The following NUGGC variants were observed in gnomAD, a reference collection of about 807,000 sequenced individuals.
NUGGC encodes the protein nuclear GTPase, germinal center associated.
NUGGC carries 58 observed loss-of-function variants against 92.6 expected under a neutral mutation model. The ratio of observed to expected loss-of-function variants is 0.63; its 90% CI spans 0.51 to 0.78. The LOEUF (loss-of-function observed/expected upper bound fraction) is 0.78. Among genes scored for constraint, NUGGC ranks in the 30% least tolerant of loss-of-function variants. The probability of loss-of-function intolerance (pLI) is 0.00; values close to 1 mark genes in which losing one functional copy is unlikely to be tolerated. For synonymous variants in NUGGC, 376 were observed against 366.4 expected (o/e 1.03, Z -0.30); for missense variants, 925 against 964.6 (o/e 0.96, Z 0.54).
chr8:28,076,552 CT>C (rs1263255186), intron 1 of NUGGC, among the ~76,000 whole-genome samples: 1 of 152,224 alleles, frequency 6.6e-6, no homozygotes, highest in African/African-American at 2.4e-5. Flanking sequence ...CCACTTCAGC[CT>C]CCCAAAGGGC....
rs563782714 is a variant in NUGGC at position 28,023,777 on chromosome 8, G to A, written c.2246-315C>T. 5.9e-5 allele frequency among the ~76,000 whole-genome samples: 9 copies of A among 152,168 alleles called. No individual in the cohort carries two copies. The East Asian group carries it at 9.6e-4, about 16-fold the overall frequency. ...CACCTCCTCTAATTCCTCTCCAGGC[G>A]GCTCCCCCTCTTCCCCCCACCCCAA... On this transcript the variant is annotated intron_variant, in intron 18 of 18. Transcript: ENST00000413272.
chr8:28,076,780 T>C (rs1402342531), intron 1 of NUGGC, among the ~76,000 whole-genome samples: 1 of 152,202 alleles, frequency 6.6e-6, no homozygotes, highest in Non-Finnish European at 1.5e-5. Context: ...GGGGCCTTCA[T>C]GGTGGTCTTC....
At position 28,064,740 on chromosome 8, in the gene NUGGC, G is replaced by A. The variant is rs761194207; in HGVS notation, c.712-9C>T. 28 of 1,612,244 alleles carry A rather than the reference G, an allele frequency of 1.7e-5. No individual in the cohort carries two copies. The African/African-American group carries it at 3.5e-4, about 20-fold the overall frequency. ...ATGGACAGCTCTTCTGCCTGAAGAA[G>A]GAGGACAGAGTCACACACACCAGCC... is the stretch of plus-strand genomic sequence containing the variant. On this transcript the variant is annotated splice_polypyrimidine_tract_variant and intron_variant, in intron 6 of 18. Transcript: ENST00000413272.
chr8:28,051,036 C>T (rs1809987292), intron 10 of NUGGC, among the ~76,000 whole-genome samples: 1 of 152,086 alleles, frequency 6.6e-6, no homozygotes, highest in African/African-American at 2.4e-5. Flanking sequence ...GTTGCCCTAG[C>T]TGGTCTTGAA....
rs374128106 is a variant in NUGGC at position 28,064,210 on chromosome 8, A to T, written c.921+312T>A. Among the ~76,000 whole-genome samples the T allele has an allele frequency of 2.0e-5, 3 of 152,118 alleles. No homozygotes were observed. In the South Asian group the frequency reaches 6.2e-4, roughly 32 times the overall value. On this transcript the variant is annotated intron_variant, in intron 7 of 18. Transcript: ENST00000413272. The stretch of plus-strand genomic sequence containing the variant: ...CTGCAGCTTCTCTGCTTTGTCCCCA[A>T]CACTTGGCCTCCCAGTTCCCTTCTG...
intron 8 of NUGGC, among the ~76,000 whole-genome samples, chr8:28,058,763 T>G (rs922004213): frequency 3.3e-5 from 5 of 151,914 alleles, no homozygotes; most frequent in African/African-American, 4.8e-5. Context: ...AGTGCAGTGG[T>G]ACGATCTCAG....
At chr8:28,041,469 A>T (rs1446265939) in intron 12 of NUGGC, among the ~76,000 whole-genome samples, 1 of 152,254 alleles carries the variant, frequency 6.6e-6, no homozygotes, top group Non-Finnish European at 1.5e-5. Flanking sequence ...CTGCTTATTC[A>T]GCAACTTATT....
chr8:28,042,188 T>C (rs1434313480), intron 12 of NUGGC, among the ~76,000 whole-genome samples: 1 of 152,210 alleles, frequency 6.6e-6, no homozygotes, highest in Non-Finnish European at 1.5e-5. Context: ...CTCTATAAAT[T>C]ACCCAGTCTC....
chr8:28,059,060 C>T (rs1810224661), intron 8 of NUGGC, among the ~76,000 whole-genome samples: 1 of 152,088 alleles, frequency 6.6e-6, no homozygotes, highest in Non-Finnish European at 1.5e-5. Flanking sequence ...ATATTCTCTG[C>T]TGGGGTGAGA....
chr8:28,053,528 A>C (rs988182834), intron 10 of NUGGC, among the ~76,000 whole-genome samples: 1 of 152,132 alleles, frequency 6.6e-6, no homozygotes, highest in African/African-American at 2.4e-5. Context: ...GTACAAGTAA[A>C]GGTTTCACAA....
intron 9 of NUGGC, among the ~76,000 whole-genome samples, chr8:28,057,228 A>G (rs531762834): frequency 9.9e-5 from 15 of 152,254 alleles, no homozygotes; most frequent in Admixed American, 4.6e-4. Context: ...CTGTCATTTC[A>G]GATGTACGAT....
chr8:28,045,997 G>C (rs547227020), intron 11 of NUGGC, among the ~76,000 whole-genome samples: 2 of 152,234 alleles, frequency 1.3e-5, no homozygotes, highest in Non-Finnish European at 1.5e-5. Context: ...CGGAATTCTA[G>C]AGTCCCAGCC....
Position 28,030,325 on chromosome 8 carries a change from T to G in NUGGC, c.2002A>C (p.Lys668Gln). 6.4e-7 allele frequency: 1 copy of G among 1,562,784 alleles called. No homozygotes were observed. Among genetic ancestry groups the G allele is most frequent in the Non-Finnish European group, 8.7e-7 (1 of 1,148,688 alleles). The change falls in exon 16 of 19, where the codon AAG (lysine) becomes CAG (glutamine). Residue 668 changes from lysine to glutamine, a missense_variant. Lys to Gln is a moderately conservative substitution (Grantham distance 53, BLOSUM62 1). Transcript: ENST00000413272. Reference sequence around the variant, plus strand: ...CAGCCCCCACCTTCGTAACAGAGCTTCAGGTCACTCTGGACAGAGGCAGTG... The same window carrying G: ...CAGCCCCCACCTTCGTAACAGAGCTGCAGGTCACTCTGGACAGAGGCAGTG... Reference protein sequence around the residue: ...SLTASVQSDLKLCYEEAAQIT... With the variant: ...SLTASVQSDLQLCYEEAAQIT...
At chr8:28,028,716 C>T (rs1385349600) in intron 17 of NUGGC, among the ~76,000 whole-genome samples, 1 of 152,222 alleles carries the variant, frequency 6.6e-6, no homozygotes, top group Non-Finnish European at 1.5e-5. Context: ...CCATCAGGAA[C>T]TGTCTTCGGG....
At chr8:28,044,243 C>G (rs1809771388) in intron 12 of NUGGC, among the ~76,000 whole-genome samples, 1 of 152,128 alleles carries the variant, frequency 6.6e-6, no homozygotes, top group African/African-American at 2.4e-5. Context: ...CCTGTTCCGG[C>G]ATAACAAGAA....
In NUGGC at chr8:28,041,073, C is replaced by T. The variant is rs376736321; in HGVS notation, c.1589G>A (p.Cys530Tyr). 1 of 1,605,600 alleles carries T rather than the reference C, an allele frequency of 6.2e-7. No individual in the cohort carries two copies. Among genetic ancestry groups the T allele is most frequent in the Non-Finnish European group, 8.5e-7 (1 of 1,176,228 alleles). The stretch of plus-strand genomic sequence containing the variant: ...CACCACCAAGCATGCTCTGAGGATG[C>T]AGCGGTAAGAAGTCCTGGCGGTCCT... ...GVRTARTSYR[C>Y]ILRACLVRSK... Residue 530 changes from cysteine to tyrosine, a missense_variant, in exon 13 of 19, where the codon TGC becomes TAC. By Grantham distance (194) the Cys-to-Tyr change is radical (BLOSUM62 -2). Coordinates refer to ENST00000413272, the MANE Select transcript of NUGGC (RefSeq NM_001010906.2).
rs779573407 is a variant in NUGGC at position 28,070,200 on chromosome 8, A to C, written c.148+52T>G. ...CTCCTCTTCCTTTGACCATTTTAAC[A>C]TACTTGGAACAGAACCGAACCATGT... On this transcript the variant is annotated intron_variant, in intron 3 of 18. Coordinates refer to ENST00000413272, the MANE Select transcript of NUGGC (RefSeq NM_001010906.2). 2.6e-5 allele frequency: 39 copies of C among 1,498,166 alleles called. 1 individual carries two copies. Among genetic ancestry groups the C allele is most frequent in the Middle Eastern group, 1.7e-4 (1 of 5,756 alleles). 92.8% of individuals were successfully genotyped at this position (1,498,166 alleles called of 1,614,324 possible).
intron 1 of NUGGC, among the ~76,000 whole-genome samples, chr8:28,075,093 G>C (rs921892380): frequency 6.6e-6 from 1 of 152,198 alleles, no homozygotes; most frequent in African/African-American, 2.4e-5. Context: ...GGCAAGGCTT[G>C]AACCCTGAGC....
intron 12 of NUGGC, among the ~76,000 whole-genome samples, chr8:28,042,839 G>C (rs372101145): frequency 6.6e-6 from 1 of 152,176 alleles, no homozygotes; most frequent in Non-Finnish European, 1.5e-5. Flanking sequence ...AATAGCTCTC[G>C]AATCGATGTG....
Sources: allele counts gnomAD v4.1 joint callset (sites outside exome capture counted in the v4.1 genomes callset), GRCh38; gene constraint gnomAD v4.1.1; transcripts MANE v1.5; gene names NCBI Gene and HGNC (gene_info 2026-07-23, HGNC 2026-07-21).